GPC6: variants seen among roughly 807,000 people sequenced by gnomAD.
GPC6 encodes glypican 6.
A neutral mutation model predicts 55.2 loss-of-function variants in GPC6; 14 were observed. That is an observed-to-expected ratio of 0.25 (90% CI 0.17 to 0.40). GPC6 has a LOEUF of 0.40. GPC6 is among the 10% of genes least tolerant of loss of function. GPC6 has a pLI of 1.00. For missense variants in GPC6, 641 were observed against 708.5 expected (o/e 0.90, Z 1.08); for synonymous variants, 278 against 259.6 (o/e 1.07, Z -0.68).
chr13:93,703,636 C>A (rs1021306562), intron 2 of GPC6, among the ~76,000 whole-genome samples: 1 of 151,692 alleles, frequency 6.6e-6, no homozygotes, highest in South Asian at 2.1e-4. Context: ...TTTAGTCCAC[C>A]CCCCGCCCCC....
intron 3 of GPC6, among the ~76,000 whole-genome samples, chr13:93,967,711 A>G (rs1880109526): frequency 6.6e-6 from 1 of 152,236 alleles, no homozygotes; most frequent in South Asian, 2.1e-4. Flanking sequence ...ACAAATATTT[A>G]AGGAAAATTC....
At chr13:93,939,220 ATAGTT>A in intron 3 of GPC6, among the ~76,000 whole-genome samples, 1 of 151,682 alleles carries the variant, frequency 6.6e-6, no homozygotes, top group Middle Eastern at 3.4e-3. Flanking sequence ...ACATGCCTGA[ATAGTT>A]TAGATTGTCA....
At chr13:93,373,750 T>C (rs1874772436) in intron 1 of GPC6, among the ~76,000 whole-genome samples, 3 of 152,252 alleles carry the variant, frequency 2.0e-5, no homozygotes, top group African/African-American at 4.8e-5. Flanking sequence ...TCCTGATTTA[T>C]GAATTATATC....
intron 4 of GPC6, among the ~76,000 whole-genome samples, chr13:94,220,593 C>T (rs558329680): frequency 1.3e-5 from 2 of 152,048 alleles, no homozygotes; most frequent in Admixed American, 1.3e-4. Flanking sequence ...ACAACAGAAA[C>T]TTATTGTCTC....
intron 5 of GPC6, among the ~76,000 whole-genome samples, chr13:94,296,351 C>T (rs1875334258): frequency 6.6e-6 from 1 of 152,136 alleles, no homozygotes; most frequent in African/African-American, 2.4e-5. Flanking sequence ...ATGTAGCCTA[C>T]TCAAGAATAA....
chr13:94,322,629 T>A (rs933975603), intron 6 of GPC6, among the ~76,000 whole-genome samples: 1 of 152,182 alleles, frequency 6.6e-6, no homozygotes, highest in African/African-American at 2.4e-5. Flanking sequence ...AATAGATTTT[T>A]AATTTAATAA....
chr13:93,402,397 T>C (rs1338529821), intron 1 of GPC6, among the ~76,000 whole-genome samples: 1 of 152,194 alleles, frequency 6.6e-6, no homozygotes, highest in Non-Finnish European at 1.5e-5. Flanking sequence ...GCCTTTCACC[T>C]TCTTATTCTT....
intron 1 of GPC6, among the ~76,000 whole-genome samples, chr13:93,412,098 C>T (rs75954197): frequency 2.6e-5 from 4 of 152,124 alleles, no homozygotes; most frequent in African/African-American, 7.2e-5. Context: ...ATCAACACCA[C>T]TTTAATACCG....
At chr13:94,164,936 T>C (rs939497975) in intron 4 of GPC6, among the ~76,000 whole-genome samples, 8 of 152,106 alleles carry the variant, frequency 5.3e-5, no homozygotes, top group African/African-American at 1.4e-4. Flanking sequence ...CATTCTGTTC[T>C]TCAAAGTTGT....
At chr13:93,723,756 G>A (rs1468180586) in intron 2 of GPC6, among the ~76,000 whole-genome samples, 2 of 151,904 alleles carry the variant, frequency 1.3e-5, no homozygotes, top group African/African-American at 2.4e-5. Flanking sequence ...ATTTTTTTGA[G>A]TGTGGGTGTA....
At chr13:94,267,028 T>C (rs1891839624) in intron 4 of GPC6, among the ~76,000 whole-genome samples, 1 of 152,204 alleles carries the variant, frequency 6.6e-6, no homozygotes, top group African/African-American at 2.4e-5. Flanking sequence ...TTAAGTCTTC[T>C]AAATTTTTTA....
chr13:93,534,134 C>T (rs1164311057), intron 1 of GPC6, among the ~76,000 whole-genome samples: 1 of 152,090 alleles, frequency 6.6e-6, no homozygotes, highest in Non-Finnish European at 1.5e-5. Flanking sequence ...AAAGCAGAAG[C>T]TCTAGGAGGC....
chr13:93,765,126 A>C (rs1193645599), intron 2 of GPC6, among the ~76,000 whole-genome samples: 2 of 152,098 alleles, frequency 1.3e-5, no homozygotes, highest in African/African-American at 4.8e-5. Flanking sequence ...ATTCATAAGC[A>C]TATGTTTTTA....
chr13:93,312,398 G>A (rs771849633), intron 1 of GPC6, among the ~76,000 whole-genome samples: 2 of 152,112 alleles, frequency 1.3e-5, no homozygotes, highest in Non-Finnish European at 2.9e-5. Flanking sequence ...CCTATTGCTT[G>A]CTATTTTGAG....
At chr13:94,024,895 G>A (rs1882834723) in intron 3 of GPC6, among the ~76,000 whole-genome samples, 1 of 151,886 alleles carries the variant, frequency 6.6e-6, no homozygotes, top group African/African-American at 2.4e-5. Context: ...CCAAGAAATG[G>A]GGAAGCACAA....
chr13:93,940,814 A>C (rs2140362826), intron 3 of GPC6, among the ~76,000 whole-genome samples: 1 of 152,310 alleles, frequency 6.6e-6, no homozygotes, highest in Admixed American at 6.5e-5. Context: ...TAAAATATTT[A>C]TGGAGGAAAT....
chr13:94,052,478 A>T (rs1883986974), intron 4 of GPC6, among the ~76,000 whole-genome samples: 1 of 152,146 alleles, frequency 6.6e-6, no homozygotes, highest in Non-Finnish European at 1.5e-5. Context: ...TGTGGAGTTG[A>T]TATATTTATG....
At chr13:93,536,340 T>C (rs1594244631) in intron 1 of GPC6, among the ~76,000 whole-genome samples, 1 of 152,306 alleles carries the variant, frequency 6.6e-6, no homozygotes, top group East Asian at 1.9e-4. Flanking sequence ...TCTCTAGAAC[T>C]TTTTCATCTT....
chr13:93,490,110 T>TA (rs1879905116), intron 1 of GPC6, among the ~76,000 whole-genome samples: 1 of 151,472 alleles, frequency 6.6e-6, no homozygotes, highest in African/African-American at 2.4e-5. Flanking sequence ...GGGTGTGTCA[T>TA]AAATAGCTCT....
Sources: allele counts gnomAD v4.1 joint callset (sites outside exome capture counted in the v4.1 genomes callset), GRCh38; gene constraint gnomAD v4.1.1; transcripts MANE v1.5; gene names NCBI Gene and HGNC (gene_info 2026-07-23, HGNC 2026-07-21).